The following CBLB variants were observed in gnomAD, a reference collection of about 807,000 sequenced individuals.
The protein encoded by CBLB is E3 ubiquitin-protein ligase CBL-B.
A neutral mutation model predicts 104.9 loss-of-function variants in CBLB; 31 were observed. That is an observed-to-expected ratio of 0.30 (90% CI 0.22 to 0.40). The LOEUF (loss-of-function observed/expected upper bound fraction) is 0.40, where lower values mean the gene tolerates loss of function less well. Ranked by LOEUF, CBLB falls within the 10% of genes least tolerant of loss-of-function variation. The pLI, the probability that CBLB is intolerant of heterozygous loss-of-function variation, is 1.00. For missense variants in CBLB, 1,062 were observed against 1,214.6 expected (o/e 0.87, Z 1.87); for synonymous variants, 440 against 422.6 (o/e 1.04, Z -0.51).
At chr3:105,801,933 G>A (rs2082924829) in intron 3 of CBLB, among the ~76,000 whole-genome samples, 1 of 152,238 alleles carries the variant, frequency 6.6e-6, no homozygotes, top group Admixed American at 6.5e-5. Context: ...AGATGAGGAA[G>A]TTGCCTGGAT....
At chr3:105,858,478 T>C (rs1046500556) in intron 2 of CBLB, among the ~76,000 whole-genome samples, 3 of 152,228 alleles carry the variant, frequency 2.0e-5, no homozygotes, top group Non-Finnish European at 2.9e-5. Flanking sequence ...CTTCTAGAAA[T>C]ACCTAAATTG....
chr3:105,800,950 T>G (rs909527724), intron 3 of CBLB, among the ~76,000 whole-genome samples: 1 of 152,150 alleles, frequency 6.6e-6, no homozygotes, highest in South Asian at 2.1e-4. Context: ...ATTTGGCTTA[T>G]ATGTCATGTG....
chr3:105,869,102 C>G (rs1438588708), upstream of CBLB: 23 of 948,980 alleles, frequency 2.4e-5, no homozygotes, highest in Non-Finnish European at 3.0e-5. Flanking sequence ...TGCCGCGCAA[C>G]CGCGCACTGC....
intron 10 of CBLB, among the ~76,000 whole-genome samples, chr3:105,717,698 G>C (rs572336084): frequency 6.6e-6 from 1 of 152,266 alleles, no homozygotes; most frequent in South Asian, 2.1e-4. Flanking sequence ...TGTAGAGCCA[G>C]TATTCAAACT....
chr3:105,747,426 T>A (rs2152898733), intron 5 of CBLB, among the ~76,000 whole-genome samples: 2 of 152,324 alleles, frequency 1.3e-5, no homozygotes, highest in Admixed American at 1.3e-4. Flanking sequence ...AAGGATTATA[T>A]CCCTTGAGAT....
chr3:105,792,990 T>C (rs2081862888), intron 3 of CBLB, among the ~76,000 whole-genome samples: 1 of 151,948 alleles, frequency 6.6e-6, no homozygotes, highest in Non-Finnish European at 1.5e-5. Flanking sequence ...AACTGATTTT[T>C]CCTCCTCTTA....
At chr3:105,754,901 T>C (rs1312702285) in intron 4 of CBLB, among the ~76,000 whole-genome samples, 1 of 152,116 alleles carries the variant, frequency 6.6e-6, no homozygotes, top group African/African-American at 2.4e-5. Flanking sequence ...TCATGAGAGA[T>C]AAGAACATGA....
At position 105,741,211 on chromosome 3, in the gene CBLB, C is replaced by T. The variant is rs767078174; in HGVS notation, c.846-580G>A. The stretch of plus-strand genomic sequence containing the variant: ...ATTAGTTTGTTTGTTTTTTTTGAGA[C>T]GCAGTCTCACTCTATCACCCAGGCT... On this transcript the variant is annotated intron_variant, in intron 6 of 18. Transcript: ENST00000394030. Among the ~76,000 whole-genome samples, 12 of 144,714 alleles carry T rather than the reference C, an allele frequency of 8.3e-5. No individual in the cohort carries two copies. In the South Asian group the frequency reaches 1.3e-3, roughly 16 times the overall value. 94.9% of individuals were successfully genotyped at this position (144,714 alleles called of 152,430 possible).
chr3:105,710,448 G>A (rs2152805029), intron 10 of CBLB, among the ~76,000 whole-genome samples: 2 of 151,952 alleles, frequency 1.3e-5, no homozygotes, highest in Middle Eastern at 6.8e-3. Context: ...TGCAAAAGTT[G>A]GGAAAGACAC....
intron 13 of CBLB, among the ~76,000 whole-genome samples, chr3:105,687,534 A>G (rs1036982): frequency 1 from 151,590 of 152,124 alleles, 75,532 homozygotes; most frequent in East Asian, 1. Flanking sequence ...TAAATTGTCA[A>G]CTTACACAGA....
At chr3:105,702,068 T>C in intron 12 of CBLB, 26 bp downstream of exon 12, 11 of 1,612,938 alleles carry the variant, frequency 6.8e-6, no homozygotes, top group Non-Finnish European at 9.3e-6. Context: ...GCAGATTCTC[T>C]AGCTTCTGCT....
In CBLB at chr3:105,809,132, T is replaced by C. The variant is rs188345159; in HGVS notation, c.420-32590A>G. Reference sequence around the variant, plus strand: ...TAAACCAATGCAACGGAGAAACAGATAGAAGCAGACAAATACACACATAAA... The same window carrying C: ...TAAACCAATGCAACGGAGAAACAGACAGAAGCAGACAAATACACACATAAA... On this transcript the variant is annotated intron_variant, in intron 3 of 18. Transcript: ENST00000394030. Among the ~76,000 whole-genome samples, 254 of 152,156 alleles carry C rather than the reference T, an allele frequency of 1.7e-3. 1 individual carries two copies. Among genetic ancestry groups the C allele is most frequent in the African/African-American group, 4.5e-3 (185 of 41,456 alleles).
At chr3:105,855,613 T>TG (rs2091502585) in intron 2 of CBLB, among the ~76,000 whole-genome samples, 1 of 152,200 alleles carries the variant, frequency 6.6e-6, no homozygotes, top group African/African-American at 2.4e-5. Flanking sequence ...TAGCCTACCA[T>TG]GGGAACAGTG....
At chr3:105,701,475 C>T (rs567264679) in intron 12 of CBLB, among the ~76,000 whole-genome samples, 14 of 152,094 alleles carry the variant, frequency 9.2e-5, no homozygotes, top group African/African-American at 2.2e-4. Flanking sequence ...TTAAAAATAC[C>T]GTGCTGGCTG....
In CBLB at chr3:105,725,850, CT is replaced by C. The variant is rs879389470; in HGVS notation, c.1204-5601del. ...GAGTAAAACATTTATTTTATTTTAT[CT>C]TTTTTTTTTACTCTTTGAGACAGAA... On this transcript the variant is annotated intron_variant, in intron 9 of 18. Transcript: ENST00000394030. Among the ~76,000 whole-genome samples the C allele has an allele frequency of 1.4e-4, 20 of 147,374 alleles. No individual in the cohort carries two copies. The East Asian group carries it at 2.0e-3, about 15-fold the overall frequency.
At chr3:105,722,256 C>G (rs1452671189) in intron 9 of CBLB, among the ~76,000 whole-genome samples, 1 of 149,480 alleles carries the variant, frequency 6.7e-6, no homozygotes, top group Non-Finnish European at 1.5e-5. Context: ...ATCTGAAGAT[C>G]TGATGGTCCC....
chr3:105,794,881 A>G (rs2082080567), intron 3 of CBLB, among the ~76,000 whole-genome samples: 1 of 152,086 alleles, frequency 6.6e-6, no homozygotes, highest in African/African-American at 2.4e-5. Context: ...ATATGCACCA[A>G]AAGACATGCA....
intron 3 of CBLB, among the ~76,000 whole-genome samples, chr3:105,841,694 C>G (rs2089573639): frequency 6.6e-6 from 1 of 151,970 alleles, no homozygotes; most frequent in African/African-American, 2.4e-5. Context: ...ACCTCATGAT[C>G]TGCCCACCTC....
chr3:105,681,779 A>G lies in CBLB; in HGVS notation c.2241T>C (p.His747=), dbSNP rs1336743554. 1.2e-6 allele frequency: 2 copies of G among 1,611,268 alleles called. No homozygotes were observed. Among genetic ancestry groups the G allele is most frequent in the Non-Finnish European group, 1.7e-6 (2 of 1,177,744 alleles). ...DNGHCMLNGT[H]GPSSEKKSNI... ...TTGATTTCTTCTCTGAAGATGGACC[A>G]TGTGTTCCATTCAGCATACAGTGAC... The change falls in exon 15 of 19, where the codon CAT becomes CAC. Residue 747 remains histidine, a synonymous_variant. Transcript: ENST00000394030.
Sources: allele counts gnomAD v4.1 joint callset (sites outside exome capture counted in the v4.1 genomes callset), GRCh38; gene constraint gnomAD v4.1.1; transcripts MANE v1.5; gene names NCBI Gene and HGNC (gene_info 2026-07-23, HGNC 2026-07-21).